The following SLC10A7 variants were observed in gnomAD, a reference collection of about 807,000 sequenced individuals.
SLC10A7 encodes the protein sodium/bile acid cotransporter 7.
In SLC10A7, 29 loss-of-function variants were observed where a neutral mutation model predicts 43.2. The ratio of observed to expected loss-of-function variants is 0.67; its 90% CI spans 0.50 to 0.92. The LOEUF is 0.92. Among genes scored for constraint, SLC10A7 ranks in the 40% least tolerant of loss-of-function variants. The pLI, the probability that SLC10A7 is intolerant of heterozygous loss-of-function variation, is 0.00. For synonymous variants in SLC10A7, 152 were observed against 144.8 expected (o/e 1.05, Z -0.35); for missense variants, 295 against 403.2 (o/e 0.73, Z 2.30).
At chr4:146,281,603 T>C (rs1729561993) in intron 10 of SLC10A7, among the ~76,000 whole-genome samples, 1 of 152,068 alleles carries the variant, frequency 6.6e-6, no homozygotes, top group South Asian at 2.1e-4. Context: ...ACTAACTTTA[T>C]AAAAGTCCCT....
intron 5 of SLC10A7, among the ~76,000 whole-genome samples, chr4:146,434,109 AAATAAG>A (rs1484215045): frequency 1.5e-4 from 23 of 152,164 alleles, no homozygotes; most frequent in African/African-American, 5.6e-4. Context: ...ATCAGAGTAG[AAATAAG>A]AATATGAGAA....
intron 4 of SLC10A7, among the ~76,000 whole-genome samples, chr4:146,460,216 A>G (rs1055577424): frequency 2.0e-5 from 3 of 151,970 alleles, no homozygotes; most frequent in Admixed American, 6.6e-5. Context: ...ATGTGGACCA[A>G]TGAGGACTCT....
At chr4:146,335,250 G>GAAAAAAAAAAAAAAAAAAAAA (rs772547279) in intron 5 of SLC10A7, among the ~76,000 whole-genome samples, 3 of 70,602 alleles carry the variant, frequency 4.2e-5, no homozygotes, top group African/African-American at 1.4e-4. Flanking sequence ...CACAGATGTT[G>GAAAAAAAAAAAAAAAAAAAAA]TAAAAAAAAA....
At chr4:146,446,336 G>A (rs1731072073) in intron 4 of SLC10A7, among the ~76,000 whole-genome samples, 1 of 152,060 alleles carries the variant, frequency 6.6e-6, no homozygotes, top group African/African-American at 2.4e-5. Context: ...CAGCACTTTG[G>A]GAGGCCGAGG....
chr4:146,389,992 A>T (rs976210678), intron 5 of SLC10A7, among the ~76,000 whole-genome samples: 9 of 152,222 alleles, frequency 5.9e-5, no homozygotes, highest in African/African-American at 2.2e-4. Context: ...ATCTCAAAAA[A>T]CATATTTTTA....
chr4:146,500,984 C>T (rs1432906614), intron 4 of SLC10A7, among the ~76,000 whole-genome samples: 2 of 152,210 alleles, frequency 1.3e-5, no homozygotes, highest in Non-Finnish European at 2.9e-5. Context: ...TTTCACATGG[C>T]TTCCAGGACA....
chr4:146,347,951 T>TA (rs1471166057), intron 5 of SLC10A7, among the ~76,000 whole-genome samples: 1 of 152,088 alleles, frequency 6.6e-6, no homozygotes, highest in East Asian at 1.9e-4. Flanking sequence ...AAATAAATTT[T>TA]AAAAAAGCAC....
At chr4:146,387,317 T>G (rs1738081676) in intron 5 of SLC10A7, among the ~76,000 whole-genome samples, 2 of 152,302 alleles carry the variant, frequency 1.3e-5, no homozygotes, top group African/African-American at 4.8e-5. Flanking sequence ...GTTCAACATA[T>G]GCAAATCAAT....
intron 5 of SLC10A7, among the ~76,000 whole-genome samples, chr4:146,390,455 C>T (rs999678031): frequency 1.3e-5 from 2 of 151,964 alleles, no homozygotes; most frequent in East Asian, 1.9e-4. Flanking sequence ...ATGGAGAAAC[C>T]GTATCTCTAC....
chr4:146,504,942 G>A (rs1736761869), intron 3 of SLC10A7, among the ~76,000 whole-genome samples: 1 of 152,122 alleles, frequency 6.6e-6, no homozygotes, highest in South Asian at 2.1e-4. Context: ...TGCATAACAA[G>A]CAAATGAAAC....
intron 4 of SLC10A7, among the ~76,000 whole-genome samples, chr4:146,499,395 C>G (rs1409670202): frequency 6.6e-6 from 1 of 152,126 alleles, no homozygotes; most frequent in Non-Finnish European, 1.5e-5. Flanking sequence ...TGGACCTTTT[C>G]ATTACACACA....
chr4:146,473,085 T>A lies in SLC10A7; in HGVS notation c.397-30264A>T, dbSNP rs140366158. Reference sequence around the variant, plus strand: ...CTCATGGGGATAAAAGTGAGGGTACTCCTATACTAATGTCTCTTTTAAATG... The same window carrying A: ...CTCATGGGGATAAAAGTGAGGGTACACCTATACTAATGTCTCTTTTAAATG... On this transcript the variant is annotated intron_variant, in intron 4 of 11. Transcript: ENST00000335472. Among the ~76,000 whole-genome samples the A allele has an allele frequency of 1.7e-3, 256 of 152,320 alleles. 1 individual carries two copies. Among genetic ancestry groups the A allele is most frequent in the African/African-American group, 5.8e-3 (241 of 41,576 alleles).
At chr4:146,272,828 TAAAC>T (rs1482251644) in intron 10 of SLC10A7, among the ~76,000 whole-genome samples, 1 of 151,522 alleles carries the variant, frequency 6.6e-6, no homozygotes, top group Non-Finnish European at 1.5e-5. Context: ...ATAATAATAA[TAAAC>T]AAATCCCTCT....
At chr4:146,344,757 A>C (rs1734500470) in intron 5 of SLC10A7, among the ~76,000 whole-genome samples, 2 of 152,134 alleles carry the variant, frequency 1.3e-5, no homozygotes, top group South Asian at 4.1e-4. Flanking sequence ...GAGATTTGCA[A>C]AATGCAAAAC....
rs192016063 is a variant in SLC10A7 at position 146,512,852 on chromosome 4, T to G, written c.184-2803A>C. Among the ~76,000 whole-genome samples, 143 of 152,332 alleles carry G rather than the reference T, an allele frequency of 9.4e-4. 1 individual carries two copies. The South Asian group carries it at 0.011, about 11-fold the overall frequency. ...TAATAGCAAAACCTTGTAAATTAAC[T>G]AAATGTTCATCAATAGAGGACAACA... is the stretch of plus-strand genomic sequence containing the variant. On this transcript the variant is annotated intron_variant, in intron 2 of 11. Coordinates refer to ENST00000335472, the MANE Select transcript of SLC10A7 (RefSeq NM_001029998.6).
intron 5 of SLC10A7, among the ~76,000 whole-genome samples, chr4:146,360,870 A>C (rs556518374): frequency 2.0e-5 from 3 of 152,120 alleles, no homozygotes; most frequent in Non-Finnish European, 4.4e-5. Flanking sequence ...TGGTCTTCAG[A>C]GCTTAGGAGT....
chr4:146,411,428 A>G (rs1207969203), intron 5 of SLC10A7, among the ~76,000 whole-genome samples: 1 of 152,174 alleles, frequency 6.6e-6, no homozygotes, highest in Non-Finnish European at 1.5e-5. Flanking sequence ...TTTGTCTTTA[A>G]ATAAAATACT....
At chr4:146,359,688 T>C (rs1735909330) in intron 5 of SLC10A7, among the ~76,000 whole-genome samples, 1 of 152,202 alleles carries the variant, frequency 6.6e-6, no homozygotes, top group African/African-American at 2.4e-5. Context: ...AAGTATATCA[T>C]GCCTTTTAAA....
At chr4:146,361,870 A>G (rs1736069713) in intron 5 of SLC10A7, among the ~76,000 whole-genome samples, 1 of 152,176 alleles carries the variant, frequency 6.6e-6, no homozygotes, top group Non-Finnish European at 1.5e-5. Context: ...GAATTCTGTT[A>G]GAGAAATTTA....
Sources: gnomAD v4.1 joint callset for allele counts (sites outside exome capture counted in the v4.1 genomes callset) on GRCh38, gnomAD v4.1.1 for gene constraint, MANE v1.5 for transcripts, NCBI Gene and HGNC (gene_info 2026-07-23, HGNC 2026-07-21) for gene names.